The following USP6 variants were observed in gnomAD, a reference collection of about 807,000 sequenced individuals.
USP6 encodes the protein ubiquitin carboxyl-terminal hydrolase 6.
USP6 carries 128 observed loss-of-function variants against 175.7 expected under a neutral mutation model. That is an observed-to-expected ratio of 0.73 (90% CI 0.63 to 0.84). The LOEUF is 0.84. Ranked by LOEUF, USP6 falls within the 40% of genes least tolerant of loss-of-function variation. USP6 has a pLI of 0.00. For synonymous variants in USP6, 562 were observed against 630.6 expected (o/e 0.89, Z 1.63); for missense variants, 1,498 against 1,760.3 (o/e 0.85, Z 2.67).
Position 5,174,102 on chromosome 17 carries a change from GTTTT to G in USP6, c.*1128_*1131del, listed in dbSNP as rs1168870547. 9.8e-5 allele frequency: 20 copies of G among 203,464 alleles called. No homozygotes were observed. Among genetic ancestry groups the G allele is most frequent in the Non-Finnish European group, 1.7e-4 (17 of 98,982 alleles). The allele number at this position is 203,464 out of a possible 1,614,324, so 12.6% of individuals were successfully genotyped here. A position where few individuals can be genotyped will look rare whatever the true frequency, so the allele number is the denominator to read the frequency against. On this transcript the variant is annotated 3_prime_UTR_variant, in exon 38 of 38. Coordinates refer to ENST00000574788, the MANE Select transcript of USP6 (RefSeq NM_001304284.2). Reference sequence around the variant, plus strand: ...TTTTGCTTTGTTTGCATGTCCACTGGTTTTTTTATTTTGATATTTGTCTTTTTTT... The same window carrying G: ...TTTTGCTTTGTTTGCATGTCCACTGGTTTATTTTGATATTTGTCTTTTTTT...
At position 5,137,692 on chromosome 17, in the gene USP6, G is replaced by T; in HGVS notation, c.867G>T (p.Leu289Phe). 6.2e-7 allele frequency: 1 copy of T among 1,608,514 alleles called. No homozygotes were observed. The highest frequency in any genetic ancestry group is 8.5e-7 in the Non-Finnish European group (1 of 1,176,234). ...CCCTGCGCCTGTGGGACGTGTATTT[G>T]GTGGAAGGAGAACAGGTGTTGATGC... The part of the protein sequence containing the change: ...GLTLRLWDVY[L>F]VEGEQVLMPI... Residue 289 changes from leucine to phenylalanine, a missense_variant, in exon 20 of 38, where the codon TTG becomes TTT. By Grantham distance (22) the Leu-to-Phe change is conservative (BLOSUM62 0). Around this residue, in one of 2 missense-constraint regions of USP6, gnomAD observed 1,217 missense variants for 1,500.8 expected, o/e 0.81. Coordinates refer to ENST00000574788, the MANE Select transcript of USP6 (RefSeq NM_001304284.2).
At chr17:5,123,919 G>GCACA (rs150315519) in intron 4 of USP6, among the ~76,000 whole-genome samples, 8,330 of 150,254 alleles carry the variant, frequency 0.055, 276 homozygotes, top group East Asian at 0.14. Context: ...ACACACACAC[G>GCACA]CACACACACA....
At chr17:5,119,084 C>G (rs1172680265) in intron 2 of USP6, among the ~76,000 whole-genome samples, 1 of 152,174 alleles carries the variant, frequency 6.6e-6, no homozygotes, top group Non-Finnish European at 1.5e-5. Flanking sequence ...AACTTCATGT[C>G]CTGCCTCTAT....
rs543817332 is a variant in USP6 at position 5,159,060 on chromosome 17, A to T, written c.2829-2468A>T. The stretch of plus-strand genomic sequence containing the variant: ...ACTTCTTGAGTGTTTATGTCAATAA[A>T]TTTGAAATTTTAGATTAAATGGACA... On this transcript the variant is annotated intron_variant, in intron 31 of 37. Coordinates refer to ENST00000574788, the MANE Select transcript of USP6 (RefSeq NM_001304284.2). 2.0e-5 allele frequency among the ~76,000 whole-genome samples: 3 copies of T among 152,328 alleles called. No individual in the cohort carries two copies. The South Asian group carries it at 6.2e-4, about 32-fold the overall frequency.
intron 15 of USP6, 43 bp from the exon 16 acceptor site, chr17:5,135,191 A>T (rs776782793): frequency 6.2e-7 from 1 of 1,603,726 alleles, no homozygotes; most frequent in Non-Finnish European, 8.5e-7. Flanking sequence ...AACTAACAGC[A>T]TCTGCACAAA....
chr17:5,152,977 CAG>C lies in USP6; in HGVS notation c.2644-2442_2644-2441del, dbSNP rs535332999. ...CACCACTATGCTCCAGCCTCGATGACAGAGCTAGACCCAGTTTCAAAAAACAA... is the reference window on the plus strand; with the variant it reads ...CACCACTATGCTCCAGCCTCGATGACAGCTAGACCCAGTTTCAAAAAACAA... On this transcript the variant is annotated intron_variant, in intron 30 of 37. Coordinates refer to ENST00000574788, the MANE Select transcript of USP6 (RefSeq NM_001304284.2). 1.6e-4 allele frequency among the ~76,000 whole-genome samples: 24 copies of C among 152,178 alleles called. No individual in the cohort carries two copies. The East Asian group carries it at 4.6e-3, about 29-fold the overall frequency.
intron 31 of USP6, among the ~76,000 whole-genome samples, chr17:5,159,614 A>G (rs911229704): frequency 2.0e-5 from 3 of 152,178 alleles, no homozygotes; most frequent in African/African-American, 4.8e-5. Flanking sequence ...TACAAGTGGC[A>G]TAGGAATAAG....
At chr17:5,147,882 TTTTA>T (rs965087539) in intron 29 of USP6, among the ~76,000 whole-genome samples, 63 of 152,252 alleles carry the variant, frequency 4.1e-4, no homozygotes, top group African/African-American at 1.4e-3. Flanking sequence ...TTTTATTTTA[TTTTA>T]TTTATTTATT....
At chr17:5,145,164 C>T (rs760750305) in intron 26 of USP6, among the ~76,000 whole-genome samples, 1 of 151,966 alleles carries the variant, frequency 6.6e-6, no homozygotes, top group Admixed American at 6.6e-5. Context: ...ATACAGTGAC[C>T]AATAGGCATG....
At chr17:5,163,609 C>T (rs1448843974) in intron 33 of USP6, among the ~76,000 whole-genome samples, 3 of 152,176 alleles carry the variant, frequency 2.0e-5, no homozygotes, top group Non-Finnish European at 2.9e-5. Flanking sequence ...GGAGACAAAC[C>T]ATATCCAAAC....
chr17:5,130,076 A>G lies in USP6; in HGVS notation c.-15A>G, dbSNP rs1169541335. On this transcript the variant is annotated 5_prime_UTR_variant, in exon 9 of 38. Transcript: ENST00000574788. Reference sequence around the variant, plus strand: ...ACCCTTGGCAGGTGGACACCATTCAACCTGCCGGGGCAGGTGTGTGCCCAT... The same window carrying G: ...ACCCTTGGCAGGTGGACACCATTCAGCCTGCCGGGGCAGGTGTGTGCCCAT... 9.6e-6 allele frequency: 4 copies of G among 417,836 alleles called. No homozygotes were observed. The highest frequency in any genetic ancestry group is 6.1e-5 in the African/African-American group (3 of 49,500). 25.9% of individuals were successfully genotyped at this position (417,836 alleles called of 1,614,324 possible). A position where few individuals can be genotyped will look rare whatever the true frequency, so the allele number is the denominator to read the frequency against.
intron 22 of USP6, among the ~76,000 whole-genome samples, chr17:5,140,764 G>A (rs2073422313): frequency 6.6e-6 from 1 of 152,162 alleles, no homozygotes; most frequent in Non-Finnish European, 1.5e-5. Flanking sequence ...AGATGGTCCA[G>A]TAAACACACA....
chr17:5,134,134 G>A (rs953735962), intron 15 of USP6, 138 bp downstream of exon 15: 22 of 928,278 alleles, frequency 2.4e-5, no homozygotes, highest in African/African-American at 3.3e-5. Flanking sequence ...GGGAGCAGCC[G>A]GCACCATGAA....
intron 32 of USP6, among the ~76,000 whole-genome samples, chr17:5,162,520 A>G (rs2074024494): frequency 6.6e-6 from 1 of 152,162 alleles, no homozygotes; most frequent in Non-Finnish European, 1.5e-5. Context: ...TACCAGATAA[A>G]TTGTCCTACC....
At chr17:5,162,751 G>A (rs1260117303) in intron 32 of USP6, 133 bp from the exon 33 acceptor site, 1 of 1,294,206 alleles carries the variant, frequency 7.7e-7, no homozygotes, top group African/African-American at 1.6e-5. Context: ...AGAGTCTGAA[G>A]TTAGAAGCCC....
intron 23 of USP6, among the ~76,000 whole-genome samples, 184 bp downstream of exon 23, chr17:5,141,683 T>C (rs897409946): frequency 2.6e-5 from 4 of 152,250 alleles, no homozygotes; most frequent in African/African-American, 9.6e-5. Flanking sequence ...TTTCTAAATT[T>C]CTTTCTAACT....
intron 21 of USP6, among the ~76,000 whole-genome samples, chr17:5,138,779 A>G (rs1457769144): frequency 6.6e-6 from 1 of 152,204 alleles, no homozygotes; most frequent in African/African-American, 2.4e-5. Context: ...GCCCAGAGCC[A>G]GAGCCAAGAA....
rs75631218 is a variant in USP6, at chr17:5,132,896, G to A, written c.196-14G>A. 1 of 1,614,132 alleles carries A rather than the reference G, an allele frequency of 6.2e-7. No individual in the cohort carries two copies. The highest frequency in any genetic ancestry group is 8.5e-7 in the Non-Finnish European group (1 of 1,179,984). On this transcript the variant is annotated splice_polypyrimidine_tract_variant and intron_variant, in intron 12 of 37. Coordinates refer to ENST00000574788, the MANE Select transcript of USP6 (RefSeq NM_001304284.2). This position sits in a 1 kb window ranked among gnomAD's most constrained non-coding sequence, Gnocchi z 4.7. Reference sequence around the variant, plus strand: ...CTGGCAGCTCCACTAACTCCAACATGCCTCATTTGACAGAAAATTCGGCGG... The same window carrying A: ...CTGGCAGCTCCACTAACTCCAACATACCTCATTTGACAGAAAATTCGGCGG...
At position 5,173,094 on chromosome 17, in the gene USP6, G is replaced by T; in HGVS notation, c.*116G>T. The T allele has an allele frequency of 7.7e-7, 1 of 1,292,232 alleles. No individual in the cohort carries two copies. The allele number at this position is 1,292,232 out of a possible 1,614,324, so 80.0% of individuals were successfully genotyped here. ...TAAATGTAGTTATTTTATCCTGTTA[G>T]AACAAAAATTCTAATTAAAATAGTT... On this transcript the variant is annotated 3_prime_UTR_variant, in exon 38 of 38. Transcript: ENST00000574788.
Sources: gnomAD v4.1 joint callset for allele counts (sites outside exome capture counted in the v4.1 genomes callset) on GRCh38, gnomAD v4.1.1 for gene constraint, gnomAD v4.1.1 regional missense constraint, Gnocchi (gnomAD v3.1) non-coding constraint, MANE v1.5 for transcripts, NCBI Gene and HGNC (gene_info 2026-07-23, HGNC 2026-07-21) for gene names.